DMD: variants seen among roughly 807,000 people sequenced by gnomAD.
DMD encodes dystrophin, also known as mutant dystrophin.
Under a neutral mutation model 330.1 loss-of-function variants are expected in DMD, and 63 were observed. That is an observed-to-expected ratio of 0.19 (90% CI 0.16 to 0.24). The LOEUF (loss-of-function observed/expected upper bound fraction) is 0.24. Among genes scored for constraint, DMD ranks in the 10% least tolerant of loss-of-function variants. The pLI, the probability that DMD is intolerant of heterozygous loss-of-function variation, is 1.00. For missense variants in DMD, 3,344 were observed against 2,684.1 expected, an observed-to-expected ratio of 1.25 and a Z score of -5.43; for synonymous variants, 1,223 against 959.8, an observed-to-expected ratio of 1.27 and a Z score of -5.07.
At chrX:33,314,339 C>A (rs1469197384) in intron 1 of DMD, among the ~76,000 whole-genome samples, 1 of 109,306 alleles carries the variant, frequency 9.1e-6, no homozygotes, top group Non-Finnish European at 1.9e-5. Flanking sequence ...CTCACTGCAA[C>A]CTCTATCTCC....
At chrX:33,262,544 A>T (rs1217619137) in intron 1 of DMD, among the ~76,000 whole-genome samples, 1 of 111,172 alleles carries the variant, frequency 9.0e-6, no homozygotes, top group Non-Finnish European at 1.9e-5. Context: ...GGTAATTGAG[A>T]CATATTATAG....
chrX:32,023,124 C>A (rs1180635021), intron 44 of DMD, among the ~76,000 whole-genome samples: 1 of 111,496 alleles, frequency 9.0e-6, no homozygotes, highest in Admixed American at 9.5e-5. Flanking sequence ...AGCTACTGCG[C>A]CCGGCCAGAA....
intron 1 of DMD, among the ~76,000 whole-genome samples, chrX:33,202,069 T>C (rs2051305557): frequency 8.9e-6 from 1 of 112,129 alleles, no homozygotes; most frequent in Non-Finnish European, 1.9e-5. Context: ...GATATCTCAG[T>C]TTTTATCTAA....
chrX:32,688,114 G>A (rs1480894858), intron 9 of DMD, among the ~76,000 whole-genome samples: 1 of 111,668 alleles, frequency 9.0e-6, no homozygotes, highest in Non-Finnish European at 1.9e-5. Flanking sequence ...GCCCTGACCT[G>A]CTTAAACACC....
intron 1 of DMD, among the ~76,000 whole-genome samples, chrX:33,218,583 G>A (rs762532204): frequency 3.6e-5 from 4 of 110,604 alleles, no homozygotes; most frequent in Non-Finnish European, 7.6e-5. Context: ...ACTATGATGC[G>A]TCTAAGCATG....
At chrX:32,037,397 G>T (rs1158670198) in intron 44 of DMD, among the ~76,000 whole-genome samples, 1 of 111,775 alleles carries the variant, frequency 8.9e-6, no homozygotes, top group Non-Finnish European at 1.9e-5. Context: ...ATCTTCATGG[G>T]CAAGATTAAC....
At chrX:33,307,996 G>A (rs1341605704) in intron 1 of DMD, among the ~76,000 whole-genome samples, 2 of 111,778 alleles carry the variant, frequency 1.8e-5, no homozygotes, top group Admixed American at 9.6e-5. Context: ...TGAGTACCAC[G>A]TAATGTTCAG....
intron 63 of DMD, among the ~76,000 whole-genome samples, chrX:31,236,536 G>C (rs188751886): frequency 8.0e-5 from 9 of 112,211 alleles, no homozygotes; most frequent in African/African-American, 2.6e-4. Context: ...CTAATTTAAC[G>C]TTTAAAACAA....
chrX:32,791,299 A>G (rs1319654285), intron 7 of DMD, among the ~76,000 whole-genome samples: 1 of 111,620 alleles, frequency 9.0e-6, no homozygotes, highest in Non-Finnish European at 1.9e-5. Context: ...CAGCCCACCT[A>G]TGCTTTTCCT....
chrX:33,032,237 C>T (rs757620644), intron 1 of DMD, among the ~76,000 whole-genome samples: 1 of 111,962 alleles, frequency 8.9e-6, no homozygotes, highest in Non-Finnish European at 1.9e-5. Flanking sequence ...TCCTTCCTCC[C>T]TTTGTCAGGG....
At chrX:32,090,317 C>G (rs1324317649) in intron 44 of DMD, among the ~76,000 whole-genome samples, 1 of 111,734 alleles carries the variant, frequency 8.9e-6, no homozygotes, top group Non-Finnish European at 1.9e-5. Flanking sequence ...TGAAATTTAA[C>G]TATCTAAGGA....
chrX:31,873,836 C>T (rs147824350), intron 48 of DMD, among the ~76,000 whole-genome samples: 28 of 111,636 alleles, frequency 2.5e-4, no homozygotes, highest in African/African-American at 4.9e-4. Context: ...TGAAGCCTTA[C>T]GCTTACCTGC....
chrX:31,394,798 A>C (rs968109299), intron 60 of DMD, among the ~76,000 whole-genome samples: 15 of 111,720 alleles, frequency 1.3e-4, no homozygotes, highest in African/African-American at 4.9e-4. Flanking sequence ...TGTCTCAAAA[A>C]AAATTTTTTA....
At position 33,007,832 on chromosome X, in the gene DMD, T is replaced by C. The variant is rs751068641; in HGVS notation, c.93+12307A>G. Among the ~76,000 whole-genome samples the C allele has an allele frequency of 2.7e-5, 3 of 111,878 alleles. No homozygotes were observed. The South Asian group carries it at 1.1e-3, about 41-fold the overall frequency. On this transcript the variant is annotated intron_variant, in intron 2 of 78. Transcript: ENST00000357033. ...AAGTACAGATATGATACTCAAAATATTTATTCTCTGACTGACATAATAACT... is the reference window on the plus strand; with the variant it reads ...AAGTACAGATATGATACTCAAAATACTTATTCTCTGACTGACATAATAACT...
intron 2 of DMD, among the ~76,000 whole-genome samples, chrX:32,871,038 A>C (rs1399350039): frequency 1.9e-5 from 2 of 107,391 alleles, no homozygotes; most frequent in African/African-American, 3.4e-5. Context: ...AATTTTTGCA[A>C]TCTATTTACC....
At chrX:31,331,165 T>A (rs1038321001) in intron 61 of DMD, among the ~76,000 whole-genome samples, 4 of 111,497 alleles carry the variant, frequency 3.6e-5, no homozygotes, top group Admixed American at 1.9e-4. Context: ...AATAACAACC[T>A]GTAAATATTA....
At chrX:32,569,120 C>G (rs1257490698) in intron 15 of DMD, among the ~76,000 whole-genome samples, 1 of 111,040 alleles carries the variant, frequency 9.0e-6, no homozygotes, top group Non-Finnish European at 1.9e-5. Flanking sequence ...TGTAGACCTA[C>G]CTCCAAGGTA....
At chrX:31,720,081 A>T (rs978578143) in intron 52 of DMD, among the ~76,000 whole-genome samples, 5 of 112,056 alleles carry the variant, frequency 4.5e-5, no homozygotes, top group Non-Finnish European at 7.5e-5. Flanking sequence ...ACAGGTAACT[A>T]TTCAAACTCT....
chrX:32,606,482 T>C (rs2056713654), intron 12 of DMD, among the ~76,000 whole-genome samples: 1 of 109,865 alleles, frequency 9.1e-6, no homozygotes, highest in South Asian at 3.8e-4. Flanking sequence ...ATATAAACAT[T>C]ATGTAAAACA....
Sources: allele counts gnomAD v4.1 joint callset (sites outside exome capture counted in the v4.1 genomes callset), GRCh38; gene constraint gnomAD v4.1.1; transcripts MANE v1.5; gene names NCBI Gene and HGNC (gene_info 2026-07-23, HGNC 2026-07-21).